Variants in ZNF365 observed in about 807,000 individuals in gnomAD.
The protein encoded by ZNF365 is zinc finger protein 365.
In ZNF365, 22 loss-of-function variants were observed where a neutral mutation model predicts 35.0. The observed-to-expected ratio is 0.63, with a 90% CI of 0.45 to 0.90. The LOEUF (loss-of-function observed/expected upper bound fraction) is 0.90. ZNF365 is among the 40% of genes least tolerant of loss of function. ZNF365 has a pLI of 0.00. For synonymous variants in ZNF365, 188 were observed against 196.2 expected (o/e 0.96, Z 0.35); for missense variants, 448 against 500.3 (o/e 0.90, Z 1.00).
intron 4 of ZNF365, among the ~76,000 whole-genome samples, chr10:62,472,627 C>G (rs931438804): frequency 1.3e-5 from 2 of 152,150 alleles, no homozygotes; most frequent in African/African-American, 4.8e-5. Flanking sequence ...TCTGTGGACA[C>G]CTTAATCTTA....
At position 62,388,563 on chromosome 10, in the gene ZNF365, T is replaced by C. The variant is rs1839564645; in HGVS notation, c.911T>C (p.Leu304Pro). ...SQQASGFVRD[L>P]SGHVLTDISS... is the part of the protein sequence containing the mutation. ...CAGGCCTCTGGCTTTGTCCGTGATC[T>C]CAGCGGGCACGTGGTGAGTCACCCC... The change falls in exon 3 of 5, where the codon CTC (leucine) becomes CCC (proline). Residue 304 changes from leucine to proline, a missense_variant. By Grantham distance (98) the Leu-to-Pro change is moderately conservative. Around this residue, in one of 3 missense-constraint regions of ZNF365, gnomAD observed 362 missense variants for 375.7 expected, o/e 0.96. Coordinates refer to ENST00000395254, the MANE Select transcript of ZNF365 (RefSeq NM_014951.3). 6.2e-7 allele frequency: 1 copy of C among 1,613,850 alleles called. No individual in the cohort carries two copies. The highest frequency in any genetic ancestry group is 1.7e-5 in the Admixed American group (1 of 60,014).
At chr10:62,472,228 A>C (rs1841053631) in intron 4 of ZNF365, among the ~76,000 whole-genome samples, 1 of 152,194 alleles carries the variant, frequency 6.6e-6, no homozygotes, top group African/African-American at 2.4e-5. Flanking sequence ...ATGCCTGAGA[A>C]AATTTGTTGT....
rs1351098790 is a variant in ZNF365 at position 62,447,815 on chromosome 10, G to C, written c.925-11926G>C. 1.3e-5 allele frequency among the ~76,000 whole-genome samples: 2 copies of C among 152,298 alleles called. 1 individual carries two copies. The highest frequency in any genetic ancestry group is 4.1e-4 in the South Asian group (2 of 4,820). On this transcript the variant is annotated intron_variant, in intron 3 of 4. Transcript: ENST00000395255. ...CAATGCCTTTCAGGTCGTGGTGGAT[G>C]GTTTCATGGCAGGCAACTGATGGAA... is the stretch of plus-strand genomic sequence containing the variant.
intron 3 of ZNF365, among the ~76,000 whole-genome samples, chr10:62,417,167 A>G (rs1490896741): frequency 6.6e-6 from 1 of 152,092 alleles, no homozygotes; most frequent in Admixed American, 6.5e-5. Context: ...AACGACTTGA[A>G]TGTACTTGAA....
At chr10:62,465,584 C>T (rs1413639771) in intron 4 of ZNF365, among the ~76,000 whole-genome samples, 1 of 151,874 alleles carries the variant, frequency 6.6e-6, no homozygotes, top group South Asian at 2.1e-4. Flanking sequence ...ACTTTTTGAG[C>T]CCATAAAAAC....
intron 3 of ZNF365, among the ~76,000 whole-genome samples, chr10:62,390,138 T>A (rs1839603536): frequency 6.6e-6 from 1 of 152,174 alleles, no homozygotes; most frequent in Admixed American, 6.5e-5. Flanking sequence ...GGTTTATTCT[T>A]ACTCTGCTTC....
chr10:62,461,986 T>A (rs931558769), intron 4 of ZNF365, among the ~76,000 whole-genome samples: 1 of 152,182 alleles, frequency 6.6e-6, no homozygotes, highest in Non-Finnish European at 1.5e-5. Flanking sequence ...CCTTTTTTTT[T>A]ACTACTAGTG....
At chr10:62,380,309 C>T (rs1473777995) in intron 2 of ZNF365, among the ~76,000 whole-genome samples, 1 of 152,236 alleles carries the variant, frequency 6.6e-6, no homozygotes, top group East Asian at 1.9e-4. Flanking sequence ...TTCTCCTCCT[C>T]CTTTACAATG....
chr10:62,396,126 G>A (rs1589434546), intron 3 of ZNF365, among the ~76,000 whole-genome samples: 1 of 152,216 alleles, frequency 6.6e-6, no homozygotes, highest in East Asian at 1.9e-4. Flanking sequence ...TGGCTGTGAT[G>A]ATAAGCCCTG....
intron 3 of ZNF365, among the ~76,000 whole-genome samples, chr10:62,452,379 A>G (rs1840696659): frequency 6.6e-6 from 1 of 152,190 alleles, no homozygotes; most frequent in Non-Finnish European, 1.5e-5. Flanking sequence ...AGGAAAATTA[A>G]CCACCCCCAG....
At position 62,410,053 on chromosome 10, in the gene ZNF365, A is replaced by G. The variant is rs375354367; in HGVS notation, c.924+21477A>G. The stretch of plus-strand genomic sequence containing the variant: ...CCCTGACTTAGTCATTCTCTGTCCC[A>G]TGGCACTATGTATTTTTTCAACAGC... On this transcript the variant is annotated intron_variant, in intron 3 of 4. Coordinates refer to the ZNF365 transcript ENST00000395255. Among the ~76,000 whole-genome samples the G allele has an allele frequency of 1.2e-4, 18 of 152,198 alleles. No homozygotes were observed. In the East Asian group the frequency reaches 3.1e-3, roughly 26 times the overall value.
chr10:62,396,683 G>A (rs1839733197), intron 3 of ZNF365, among the ~76,000 whole-genome samples: 1 of 152,168 alleles, frequency 6.6e-6, no homozygotes, highest in Admixed American at 6.5e-5. Flanking sequence ...TGAAATCAGA[G>A]ATCACTTTGA....
At chr10:62,468,205 ACCAC>A (rs1840975640) in intron 4 of ZNF365, among the ~76,000 whole-genome samples, 1 of 152,162 alleles carries the variant, frequency 6.6e-6, no homozygotes, top group African/African-American at 2.4e-5. Flanking sequence ...AAAAATATCC[ACCAC>A]CTTAGTATAC....
chr10:62,451,664 T>G (rs1023332161), intron 3 of ZNF365, among the ~76,000 whole-genome samples: 1 of 152,228 alleles, frequency 6.6e-6, no homozygotes, highest in Admixed American at 6.5e-5. Flanking sequence ...ATGCAGGGGC[T>G]TGGCTACAGT....
At chr10:62,423,656 G>A (rs575914914) in intron 3 of ZNF365, among the ~76,000 whole-genome samples, 2 of 152,102 alleles carry the variant, frequency 1.3e-5, no homozygotes, top group Non-Finnish European at 2.9e-5. Flanking sequence ...TGAGGGTAGC[G>A]TAGGTGACAC....
Position 62,399,574 on chromosome 10 carries a change from G to T in ZNF365, c.1009G>T (p.Ala337Ser), listed in dbSNP as rs3758490. The stretch of plus-strand genomic sequence containing the variant: ...GGTATGTAACCACCCTGATCTCAAG[G>T]CCCATTTCCACCCAAAGGGAAGGAA... ...HSVCNHPDLK[A>S]HFHPKGRNHL... The change falls in exon 5 of 5, where the codon GCC (alanine) becomes TCC (serine). Residue 337 changes from alanine to serine, a missense_variant. Around this residue, in one of 3 missense-constraint regions of ZNF365, gnomAD observed 362 missense variants for 375.7 expected, o/e 0.96. Coordinates refer to ENST00000395254, the MANE Select transcript of ZNF365 (RefSeq NM_014951.3). 934,019 of 1,613,656 alleles carry T rather than the reference G, an allele frequency of 0.58. 280,486 individuals are homozygous for T. The highest frequency in any genetic ancestry group is 0.68 in the East Asian group (30,549 of 44,842).
At chr10:62,396,775 A>G (rs1839734877) in intron 3 of ZNF365, among the ~76,000 whole-genome samples, 1 of 152,080 alleles carries the variant, frequency 6.6e-6, no homozygotes, top group Non-Finnish European at 1.5e-5. Flanking sequence ...CTCTCTCTCA[A>G]TTTTGCATAA....
chr10:62,391,013 ACT>A (rs879354185), intron 3 of ZNF365, among the ~76,000 whole-genome samples: 1,537 of 152,308 alleles, frequency 0.01, 26 homozygotes, highest in African/African-American at 0.035. Context: ...ATTACTGTAC[ACT>A]ACTGTAGACT....
chr10:62,444,162 C>A (rs1355858574), intron 3 of ZNF365, among the ~76,000 whole-genome samples: 2 of 152,164 alleles, frequency 1.3e-5, no homozygotes, highest in Admixed American at 6.5e-5. Flanking sequence ...TATTCCCCTG[C>A]TGATTATTTT....
Sources: allele counts gnomAD v4.1 joint callset (sites outside exome capture counted in the v4.1 genomes callset), GRCh38; gene constraint gnomAD v4.1.1; regional missense constraint gnomAD v4.1.1; transcripts MANE v1.5; gene names NCBI Gene and HGNC (gene_info 2026-07-23, HGNC 2026-07-21).